MFN1: variants seen among roughly 807,000 people sequenced by gnomAD.
The protein encoded by MFN1 is mitofusin 1, also known as mitofusin-1.
A neutral mutation model predicts 92.4 loss-of-function variants in MFN1; 65 were observed. That is an observed-to-expected ratio of 0.70 (90% CI 0.58 to 0.86). MFN1 has a LOEUF of 0.86. Among genes scored for constraint, MFN1 ranks in the 40% least tolerant of loss-of-function variants. MFN1 has a pLI of 0.00. For synonymous variants in MFN1, 297 were observed against 300.9 expected, an observed-to-expected ratio of 0.99 and a Z score of 0.13; for missense variants, 781 against 868.0, an observed-to-expected ratio of 0.90 and a Z score of 1.26.
chr3:179,362,910 CAG>C (rs754976011), intron 5 of MFN1, among the ~76,000 whole-genome samples: 8 of 152,058 alleles, frequency 5.3e-5, no homozygotes, highest in African/African-American at 9.7e-5. Flanking sequence ...TCCATAGAAA[CAG>C]AGGAGAGAGA....
At chr3:179,376,533 G>C (rs1365400389) in intron 10 of MFN1, among the ~76,000 whole-genome samples, 1 of 151,968 alleles carries the variant, frequency 6.6e-6, no homozygotes, top group Non-Finnish European at 1.5e-5. Context: ...ACAAACTTTT[G>C]TTTAAAAAAA....
chr3:179,348,902 G>A lies in MFN1; in HGVS notation c.51G>A (p.Ala17=), dbSNP rs758363185. The change falls in exon 2 of 18, where the codon GCG becomes GCA. Residue 17 remains alanine (A), a synonymous_variant. Coordinates refer to ENST00000471841, the MANE Select transcript of MFN1 (RefSeq NM_033540.3). Reference sequence around the variant, plus strand: ...AGCACTTTGTGCTGGCTAAGAAGGCGATTACTGCAATCTTTGACCAGTTAC... The same window carrying A: ...AGCACTTTGTGCTGGCTAAGAAGGCAATTACTGCAATCTTTGACCAGTTAC... ...PLKHFVLAKK[A]ITAIFDQLLE... 11 of 1,606,392 alleles carry A rather than the reference G, an allele frequency of 6.8e-6. No homozygotes were observed. In the East Asian group the frequency reaches 2.2e-4, roughly 33 times the overall value.
chr3:179,368,092 C>T lies in MFN1; in HGVS notation c.964C>T (p.Gln322Ter). The change falls in exon 9 of 18, where the codon CAA (glutamine) becomes TAA (stop). Residue 322 changes from glutamine (Q) to a stop codon, truncating the protein, a stop_gained. Coordinates refer to ENST00000471841, the MANE Select transcript of MFN1 (RefSeq NM_033540.3). LOFTEE classifies it high-confidence loss of function. ...ARLQEFQNFE[Q>*]IFEECISQSA... is the part of the protein sequence containing the mutation. ...ATTACAGGAATTTCAGAATTTTGAA[C>T]AAATCTTTGAGGTAGGAATTTTGTG... is the stretch of plus-strand genomic sequence containing the variant. 6.4e-7 allele frequency: 1 copy of T among 1,565,120 alleles called. No homozygotes were observed. Among genetic ancestry groups the T allele is most frequent in the Admixed American group, 1.8e-5 (1 of 55,794 alleles).
chr3:179,365,111 T>C lies in MFN1; in HGVS notation c.646-7T>C. The C allele has an allele frequency of 1.3e-6, 2 of 1,513,392 alleles. No individual in the cohort carries two copies. The highest frequency in any genetic ancestry group is 1.8e-6 in the Non-Finnish European group (2 of 1,134,894). The allele number at this position is 1,513,392 out of a possible 1,614,324, so 93.7% of individuals were successfully genotyped here. On this transcript the variant is annotated splice_polypyrimidine_tract_variant and splice_region_variant and intron_variant, in intron 6 of 17. Coordinates refer to ENST00000471841, the MANE Select transcript of MFN1 (RefSeq NM_033540.3). The stretch of plus-strand genomic sequence containing the variant: ...GAATGTACTGTGGGGTTTTTTTTGT[T>C]TTTCAGGAAAAACACTTTTTTCACA...
chr3:179,369,737 T>C (rs1712948456), intron 9 of MFN1, among the ~76,000 whole-genome samples: 1 of 152,304 alleles, frequency 6.6e-6, no homozygotes, highest in East Asian at 1.9e-4. Flanking sequence ...GGAATCTATA[T>C]ACATATATAT....
chr3:179,388,280 A>G (rs1032023142), intron 16 of MFN1, among the ~76,000 whole-genome samples: 1 of 152,202 alleles, frequency 6.6e-6, no homozygotes, highest in Non-Finnish European at 1.5e-5. Flanking sequence ...CTTAGCATTT[A>G]ACAAATGAAC....
intron 2 of MFN1, among the ~76,000 whole-genome samples, chr3:179,351,040 AG>A (rs1712126793): frequency 6.6e-6 from 1 of 152,116 alleles, no homozygotes; most frequent in Non-Finnish European, 1.5e-5. Flanking sequence ...CCTGACCTCA[AG>A]GGATCTGCCC....
At chr3:179,379,413 G>A (rs1372151420) in intron 14 of MFN1, among the ~76,000 whole-genome samples, 2 of 152,154 alleles carry the variant, frequency 1.3e-5, no homozygotes, top group East Asian at 1.9e-4. Context: ...GAGTGCAGTG[G>A]TGCAATCTTG....
chr3:179,378,350 A>G lies in MFN1; in HGVS notation c.1339A>G (p.Lys447Glu), dbSNP rs1713330567. The change falls in exon 13 of 18, where the codon AAG (lysine) becomes GAG (glutamate). Residue 447 changes from lysine (K) to glutamate (E), a missense_variant. Coordinates refer to ENST00000471841, the MANE Select transcript of MFN1 (RefSeq NM_033540.3). ...VLKIYKSELN[K>E]HIEDGMGRNL... ...TTACCATTGTTAACAGGAATTAAATAAGCACATAGAGGATGGTATGGGAAG... is the reference window on the plus strand; with the variant it reads ...TTACCATTGTTAACAGGAATTAAATGAGCACATAGAGGATGGTATGGGAAG... 1 of 1,589,006 alleles carries G rather than the reference A, an allele frequency of 6.3e-7. No homozygotes were observed. Among genetic ancestry groups the G allele is most frequent in the African/African-American group, 1.4e-5 (1 of 73,138 alleles).
chr3:179,388,868 A>G (rs1221689706), intron 16 of MFN1, among the ~76,000 whole-genome samples: 1 of 152,222 alleles, frequency 6.6e-6, no homozygotes, highest in African/African-American at 2.4e-5. Context: ...TGTGTATCTA[A>G]GCTGTGTACA....
chr3:179,383,150 G>A lies in MFN1; in HGVS notation c.1663-2419G>A, dbSNP rs529800958. On this transcript the variant is annotated intron_variant, in intron 14 of 17. Coordinates refer to ENST00000471841, the MANE Select transcript of MFN1 (RefSeq NM_033540.3). Reference sequence around the variant, plus strand: ...AGACATGAAGTCCTTGCCCATGCCTGTGTCCTGAATGATATTGCCTAGGTT... The same window carrying A: ...AGACATGAAGTCCTTGCCCATGCCTATGTCCTGAATGATATTGCCTAGGTT... Among the ~76,000 whole-genome samples, 7 of 152,272 alleles carry A rather than the reference G, an allele frequency of 4.6e-5. No individual in the cohort carries two copies. In the South Asian group the frequency reaches 1.2e-3, roughly 27 times the overall value.
At chr3:179,369,891 A>T (rs905874188) in intron 9 of MFN1, among the ~76,000 whole-genome samples, 1 of 152,196 alleles carries the variant, frequency 6.6e-6, no homozygotes, top group African/African-American at 2.4e-5. Flanking sequence ...AAAATTGCTT[A>T]TGAGCAGTAG....
chr3:179,384,994 C>T (rs1713620378), intron 14 of MFN1, among the ~76,000 whole-genome samples: 1 of 146,494 alleles, frequency 6.8e-6, no homozygotes, highest in South Asian at 2.2e-4. Context: ...CAAGCTCTGC[C>T]TCCTGGGTTC....
At chr3:179,366,717 T>C (rs1333487734) in intron 7 of MFN1, among the ~76,000 whole-genome samples, 1 of 152,218 alleles carries the variant, frequency 6.6e-6, no homozygotes. Flanking sequence ...TCATAAATTA[T>C]TTTTCCTTAA....
At chr3:179,355,136 G>A (rs1712299152) in intron 3 of MFN1, among the ~76,000 whole-genome samples, 1 of 152,036 alleles carries the variant, frequency 6.6e-6, no homozygotes, top group South Asian at 2.1e-4. Flanking sequence ...ATCCATTCTG[G>A]ATGTTGCCAT....
chr3:179,351,200 TC>T (rs1712133986), intron 2 of MFN1, among the ~76,000 whole-genome samples: 1 of 152,234 alleles, frequency 6.6e-6, no homozygotes, highest in African/African-American at 2.4e-5. Flanking sequence ...GAAAGATTTT[TC>T]TATTTTTCAA....
At chr3:179,387,584 C>CTTT (rs769878779) in intron 16 of MFN1, among the ~76,000 whole-genome samples, 15 of 82,256 alleles carry the variant, frequency 1.8e-4, no homozygotes, top group East Asian at 5.2e-4. Context: ...TTTGTGGTTT[C>CTTT]TTTTTTTTTT....
chr3:179,381,552 A>G (rs186149442), intron 14 of MFN1, among the ~76,000 whole-genome samples: 239 of 152,318 alleles, frequency 1.6e-3, no homozygotes, highest in South Asian at 0.013. Context: ...TATTTTTACT[A>G]TTAAGTTCCT....
chr3:179,374,491 CG>C (rs1332806030), intron 9 of MFN1, among the ~76,000 whole-genome samples: 1 of 150,414 alleles, frequency 6.6e-6, no homozygotes, highest in African/African-American at 2.4e-5. Context: ...TGCATTGTGA[CG>C]TATTTTTTAT....
Sources: gnomAD v4.1 joint callset for allele counts (sites outside exome capture counted in the v4.1 genomes callset) on GRCh38, gnomAD v4.1.1 for gene constraint, MANE v1.5 for transcripts, NCBI Gene and HGNC (gene_info 2026-07-23, HGNC 2026-07-21) for gene names.